FER1L5: variants seen among roughly 807,000 people sequenced by gnomAD.
FER1L5 encodes the protein fer-1-like protein 5.
In FER1L5, 187 loss-of-function variants were observed where a neutral mutation model predicts 279.9. The observed-to-expected ratio is 0.67, with a 90% CI of 0.59 to 0.75. The LOEUF (loss-of-function observed/expected upper bound fraction) is 0.75, where lower values mean the gene tolerates loss of function less well. Ranked by LOEUF, FER1L5 falls within the 30% of genes least tolerant of loss-of-function variation. The pLI is 0.00. For missense variants in FER1L5, 2,091 were observed against 2,594.4 expected, an observed-to-expected ratio of 0.81 and a Z score of 4.21; for synonymous variants, 921 against 989.7, an observed-to-expected ratio of 0.93 and a Z score of 1.30.
chr2:96,659,342 C>CTTCCTTCCTTCCTTCCTTCTTTCTTTCT, intron 9 of FER1L5, among the ~76,000 whole-genome samples: 1 of 80,918 alleles, frequency 1.2e-5, no homozygotes, highest in East Asian at 4.2e-4. Context: ...TCCTTCCTTC[C>CTTCCTTCCTTCCTTCCTTCTTTCTTTCT]TTCCTTCCTT....
intron 24 of FER1L5, among the ~76,000 whole-genome samples, chr2:96,688,620 G>A (rs993817539): frequency 3.9e-5 from 6 of 152,134 alleles, no homozygotes; most frequent in Admixed American, 1.3e-4. Context: ...TAAAACATAC[G>A]TTTGCAGTGT....
chr2:96,653,331 T>C, intron 7 of FER1L5: 1 of 323,718 alleles, frequency 3.1e-6, no homozygotes, highest in Non-Finnish European at 5.7e-6. Context: ...GGATTTCAGA[T>C]TTTTTTTGGG....
At chr2:96,696,174 G>A (rs1372895709) in intron 37 of FER1L5, 97 bp downstream of exon 37, 36 of 1,509,384 alleles carry the variant, frequency 2.4e-5, no homozygotes, top group South Asian at 4.9e-5. Context: ...CTGGATACCC[G>A]TGCCCAACTG....
Position 96,689,692 on chromosome 2 carries a change from A to G in FER1L5, c.2574A>G (p.Val858=). Residue 858 remains valine (V), a synonymous_variant, in exon 26 of 53, where the codon GTA becomes GTG. Coordinates refer to ENST00000624922, the MANE Select transcript of FER1L5 (RefSeq NM_001293083.2). This position sits in a 1 kb window ranked among gnomAD's most constrained non-coding sequence, Gnocchi z 4.6. The part of the protein sequence containing the change: ...DINKSQVLEE[V]YENQGRDTRG... ...ACAAGAGCCAGGTGCTGGAGGAGGT[A>G]TATGAGAACCAGGGCCGTGACACCA... 1 of 1,551,034 alleles carries G rather than the reference A, an allele frequency of 6.4e-7. No individual in the cohort carries two copies.
intron 19 of FER1L5, among the ~76,000 whole-genome samples, chr2:96,675,057 GGTCTGTATTCATCT>G (rs2076462057): frequency 6.6e-6 from 1 of 151,934 alleles, no homozygotes; most frequent in South Asian, 2.1e-4. Flanking sequence ...GGACTCTTTC[GGTCTGTATTCATCT>G]GTCTTAAATC....
intron 10 of FER1L5, 54 bp from the exon 11 acceptor site, chr2:96,661,271 G>C: frequency 7.7e-7 from 1 of 1,305,498 alleles, no homozygotes; most frequent in Non-Finnish European, 1.0e-6. Flanking sequence ...CTGGTTTCAG[G>C]GGAGAAGGAA....
intron 4 of FER1L5, among the ~76,000 whole-genome samples, chr2:96,649,408 C>T (rs193150657): frequency 6.6e-6 from 1 of 152,296 alleles, no homozygotes; most frequent in African/African-American, 2.4e-5. Flanking sequence ...CTACAAACAT[C>T]CCCTCCACTG....
chr2:96,680,949 T>G (rs1171056987), intron 19 of FER1L5, among the ~76,000 whole-genome samples: 4 of 152,232 alleles, frequency 2.6e-5, no homozygotes, highest in Non-Finnish European at 4.4e-5. Flanking sequence ...TGACCATAGT[T>G]CACTGCAGCC....
chr2:96,657,134 G>A (rs1254752408), intron 9 of FER1L5, among the ~76,000 whole-genome samples: 2 of 150,582 alleles, frequency 1.3e-5, no homozygotes, highest in African/African-American at 4.9e-5. Context: ...GAATGCTGTG[G>A]CACGATCTTG....
In FER1L5 at chr2:96,699,613, C is replaced by T. The variant is rs370695880; in HGVS notation, c.4674C>T (p.Phe1558=). The T allele has an allele frequency of 1.4e-5, 22 of 1,613,888 alleles. No individual in the cohort carries two copies. The highest frequency in any genetic ancestry group is 6.7e-5 in the East Asian group (3 of 44,898). ...ACCTAGAGATCCAGCTCTATGACTT[C>T]GACCTATTTTCACCTGATGATAAGA... ...EKDLEIQLYD[F]DLFSPDDKIG... The change falls in exon 43 of 53, where the codon TTC becomes TTT. Residue 1558 remains phenylalanine, a synonymous_variant. Transcript: ENST00000624922.
At chr2:96,667,347 CTT>C (rs551114241) in intron 14 of FER1L5, among the ~76,000 whole-genome samples, 17 of 139,072 alleles carry the variant, frequency 1.2e-4, no homozygotes, top group Admixed American at 1.4e-4. Context: ...ATTATTTATT[CTT>C]TTTTTTTTTT....
At chr2:96,688,028 T>C (rs2076998134) in intron 24 of FER1L5, 81 bp downstream of exon 24, 1 of 1,513,816 alleles carries the variant, frequency 6.6e-7, no homozygotes, top group Non-Finnish European at 8.9e-7. Flanking sequence ...AGAGATGGCC[T>C]CCCTGCAGGG....
chr2:96,656,289 G>T (rs1020713981), intron 9 of FER1L5, among the ~76,000 whole-genome samples: 1 of 152,166 alleles, frequency 6.6e-6, no homozygotes, highest in African/African-American at 2.4e-5. Context: ...TAAATACCTA[G>T]TCAATGTTCA....
intron 2 of FER1L5, 111 bp downstream of exon 2, chr2:96,646,564 C>T: frequency 8.9e-7 from 1 of 1,118,788 alleles, no homozygotes; most frequent in Non-Finnish European, 1.3e-6. Flanking sequence ...TGCAACCTCA[C>T]AGGCTTTCCT....
At chr2:96,693,401 C>T in intron 31 of FER1L5, 105 bp from the exon 32 acceptor site, 1 of 1,228,146 alleles carries the variant, frequency 8.1e-7, no homozygotes, top group Non-Finnish European at 1.1e-6. Context: ...GCTGCCCTGC[C>T]TGACCCTCCT....
intron 19 of FER1L5, among the ~76,000 whole-genome samples, chr2:96,683,010 C>T (rs2076786814): frequency 6.6e-6 from 1 of 152,200 alleles, no homozygotes; most frequent in East Asian, 1.9e-4. Context: ...CCACTTGCTA[C>T]AACTTTTGGG....
intron 37 of FER1L5, among the ~76,000 whole-genome samples, chr2:96,696,848 T>C (rs529875852): frequency 1.0e-3 from 155 of 152,268 alleles, no homozygotes; most frequent in African/African-American, 3.5e-3. Flanking sequence ...GAGGTTGCAG[T>C]GAATCAAGAT....
rs369607499 is a variant in FER1L5 at position 96,699,026 on chromosome 2, C to A, written c.4519-19C>A. ...GCCTCCCCAGTTCCTATCCTTCCCC[C>A]ACTTGTATCTGACCCCAGTGTGACC... On this transcript the variant is annotated intron_variant, in intron 41 of 52. Coordinates refer to ENST00000624922, the MANE Select transcript of FER1L5 (RefSeq NM_001293083.2). 11 of 1,598,470 alleles carry A rather than the reference C, an allele frequency of 6.9e-6. No individual in the cohort carries two copies. Among genetic ancestry groups the A allele is most frequent in the South Asian group, 1.1e-5 (1 of 88,388 alleles).
At chr2:96,679,501 C>A (rs920867482) in intron 19 of FER1L5, among the ~76,000 whole-genome samples, 1 of 152,150 alleles carries the variant, frequency 6.6e-6, no homozygotes, top group South Asian at 2.1e-4. Context: ...GGATTACAGG[C>A]GTGAGCCACC....
Sources: gnomAD v4.1 joint callset for allele counts (sites outside exome capture counted in the v4.1 genomes callset) on GRCh38, gnomAD v4.1.1 for gene constraint, Gnocchi (gnomAD v3.1) non-coding constraint, MANE v1.5 for transcripts, NCBI Gene and HGNC (gene_info 2026-07-23, HGNC 2026-07-21) for gene names.